Variants in NLGN4X observed in about 807,000 individuals in gnomAD.
The protein encoded by NLGN4X is neuroligin 4 X-linked, also known as neuroligin-4, X-linked.
NLGN4X carries 3 observed loss-of-function variants against 40.3 expected under a neutral mutation model. The ratio of observed to expected loss-of-function variants is 0.07; its 90% CI spans 0.03 to 0.19. The LOEUF (loss-of-function observed/expected upper bound fraction) is 0.19. Among genes scored for constraint, NLGN4X ranks in the 10% least tolerant of loss-of-function variants. The pLI is 1.00. For missense variants in NLGN4X, 382 were observed against 708.3 expected, an observed-to-expected ratio of 0.54 and a Z score of 5.23; for synonymous variants, 270 against 306.8, an observed-to-expected ratio of 0.88 and a Z score of 1.25.
chrX:6,029,682 C>CTATA (rs77572119), intron 2 of NLGN4X, among the ~76,000 whole-genome samples: 1 of 109,695 alleles, frequency 9.1e-6, no homozygotes, highest in Non-Finnish European at 1.9e-5. Context: ...ATCTAAGCTT[C>CTATA]TATATATATC....
At chrX:6,109,642 A>T (rs1208575285) in intron 2 of NLGN4X, among the ~76,000 whole-genome samples, 2 of 112,072 alleles carry the variant, frequency 1.8e-5, no homozygotes, top group Non-Finnish European at 3.8e-5. Flanking sequence ...AAGGGTCTAC[A>T]GCAGTGATCT....
At chrX:5,936,688 G>A (rs865996826) in intron 3 of NLGN4X, among the ~76,000 whole-genome samples, 2 of 112,132 alleles carry the variant, frequency 1.8e-5, no homozygotes, top group South Asian at 3.7e-4. Flanking sequence ...GCTAAGAGAC[G>A]TGATAAAGCT....
intron 2 of NLGN4X, among the ~76,000 whole-genome samples, chrX:6,128,846 A>G (rs1330211753): frequency 8.9e-6 from 1 of 112,373 alleles, no homozygotes; most frequent in Non-Finnish European, 1.9e-5. Flanking sequence ...TTTTGCTATC[A>G]TAAAACATGT....
At position 6,151,336 on chromosome X, in the gene NLGN4X, T is replaced by G; in HGVS notation, c.131A>C (p.Gln44Pro). ...ATAATTTGTGTTGACAACTGGATAC[T>G]GTGCTTGGCTGTCAATGAGGGTGAA... Reference protein sequence around the residue: ...IKFTLIDSQAQYPVVNTNYGK... With the variant: ...IKFTLIDSQAPYPVVNTNYGK... The change falls in exon 2 of 6, where the codon CAG becomes CCG. Residue 44 changes from glutamine to proline, a missense_variant. This residue lies in a region of NLGN4X where 115 missense variants were observed against 149.6 expected (regional missense o/e 0.77). Coordinates refer to ENST00000381095, the MANE Select transcript of NLGN4X (RefSeq NM_181332.3). 8.3e-7 allele frequency: 1 copy of G among 1,211,768 alleles called. No individual in the cohort carries two copies. The highest frequency in any genetic ancestry group is 1.1e-6 in the Non-Finnish European group (1 of 895,417).
intron 1 of NLGN4X, among the ~76,000 whole-genome samples, chrX:6,187,322 C>CA (rs74706267): frequency 6.8e-4 from 44 of 64,841 alleles, no homozygotes; most frequent in South Asian, 6.3e-3. Context: ...ACTAAAAATA[C>CA]AAAAAAAAAA....
intron 2 of NLGN4X, among the ~76,000 whole-genome samples, chrX:6,120,294 T>C (rs1464538441): frequency 8.9e-6 from 1 of 112,039 alleles, no homozygotes; most frequent in African/African-American, 3.2e-5. Context: ...GAACACTGTT[T>C]TGATCATCAT....
intron 1 of NLGN4X, among the ~76,000 whole-genome samples, chrX:6,158,476 G>A (rs1165364090): frequency 9.0e-6 from 1 of 111,720 alleles, no homozygotes; most frequent in East Asian, 2.8e-4. Flanking sequence ...TAGGACAAGA[G>A]GCTCAATGTC....
Position 6,010,513 on chromosome X carries a change from T to TTATTATTATTATTA in NLGN4X, c.625+18766_625+18767insTAATAATAATAATA, listed in dbSNP as rs2036219317. 7.3e-5 allele frequency among the ~76,000 whole-genome samples: 7 copies of TTATTATTATTATTA among 95,389 alleles called. No individual in the cohort carries two copies. The South Asian group carries it at 3.1e-3, about 42-fold the overall frequency. 82.8% of individuals were successfully genotyped at this position (95,389 alleles called of 115,157 possible). On this transcript the variant is annotated intron_variant, in intron 3 of 5. Coordinates refer to ENST00000381095, the MANE Select transcript of NLGN4X (RefSeq NM_181332.3). ...ATGAATATCTCAAAGTTCTTTTTAT[T>TTATTATTATTATTA]TTATTATTATTATTATTATTATTAT...
intron 2 of NLGN4X, among the ~76,000 whole-genome samples, chrX:6,103,289 T>C (rs912593354): frequency 1.3e-4 from 15 of 112,054 alleles, no homozygotes; most frequent in African/African-American, 4.9e-4. Flanking sequence ...AACTCACTCA[T>C]GTGCCTTTTG....
chrX:5,961,354 C>T (rs1431803763), intron 3 of NLGN4X, among the ~76,000 whole-genome samples: 1 of 112,375 alleles, frequency 8.9e-6, no homozygotes, highest in Non-Finnish European at 1.9e-5. Context: ...ACTCCATTAA[C>T]AGTCTGACTT....
chrX:5,937,167 C>T (rs1488401647), intron 3 of NLGN4X, among the ~76,000 whole-genome samples: 1 of 110,361 alleles, frequency 9.1e-6, no homozygotes, highest in Non-Finnish European at 1.9e-5. Flanking sequence ...CCTCAAACTC[C>T]TGGGATCAGG....
intron 1 of NLGN4X, among the ~76,000 whole-genome samples, chrX:6,213,541 A>T (rs1359448213): frequency 1.8e-5 from 2 of 112,375 alleles, no homozygotes; most frequent in African/African-American, 6.5e-5. Context: ...AAGATGCGAT[A>T]TGCGTGTGGA....
chrX:6,039,889 G>A (rs1410461591), intron 2 of NLGN4X, among the ~76,000 whole-genome samples: 1 of 111,787 alleles, frequency 8.9e-6, no homozygotes, highest in Non-Finnish European at 1.9e-5. Context: ...ACAGTGCATA[G>A]CAGTGCTGCG....
chrX:6,179,009 A>G (rs1189438726), intron 1 of NLGN4X, among the ~76,000 whole-genome samples: 1 of 108,573 alleles, frequency 9.2e-6, no homozygotes, highest in Non-Finnish European at 1.9e-5. Context: ...TGAGATGGGA[A>G]GATTACTTGA....
intron 1 of NLGN4X, among the ~76,000 whole-genome samples, chrX:6,195,269 G>A (rs112240845): frequency 0.017 from 1,861 of 111,971 alleles, 37 homozygotes; most frequent in African/African-American, 0.055. Context: ...CATTAGTTGA[G>A]AACACTAATG....
At chrX:5,896,294 G>A (rs1331017338) in intron 5 of NLGN4X, among the ~76,000 whole-genome samples, 8 of 112,028 alleles carry the variant, frequency 7.1e-5, no homozygotes, top group African/African-American at 2.6e-4. Flanking sequence ...ACCTGATACC[G>A]TCTGTCTATT....
chrX:6,150,397 T>G (rs1034308789), intron 2 of NLGN4X, among the ~76,000 whole-genome samples: 5 of 112,303 alleles, frequency 4.5e-5, no homozygotes, highest in African/African-American at 1.6e-4. Context: ...CTGATTACAT[T>G]TTGCCACTTG....
chrX:6,067,510 T>C (rs2037951821), intron 2 of NLGN4X, among the ~76,000 whole-genome samples: 1 of 111,512 alleles, frequency 9.0e-6, no homozygotes, highest in African/African-American at 3.3e-5. Context: ...AATATCGTAG[T>C]TGGGCTGAGC....
intron 3 of NLGN4X, among the ~76,000 whole-genome samples, chrX:5,949,838 T>C (rs767154785): frequency 2.7e-5 from 3 of 111,543 alleles, no homozygotes; most frequent in South Asian, 3.8e-4. Flanking sequence ...GGAGGCATAG[T>C]GTATGCTGTC....
Sources: gnomAD v4.1 joint callset for allele counts (sites outside exome capture counted in the v4.1 genomes callset) on GRCh38, gnomAD v4.1.1 for gene constraint, gnomAD v4.1.1 regional missense constraint, MANE v1.5 for transcripts, NCBI Gene and HGNC (gene_info 2026-07-23, HGNC 2026-07-21) for gene names.